Variants in PGCKA1 observed in about 807,000 individuals in gnomAD.
PGCKA1 encodes the protein PDCD10 and GCKIII kinases associated 1, also known as PDCD10 and GCKIII kinases-associated protein 1.
chr4:37,587,175 G>C, the PGCKA1 span, among the ~76,000 whole-genome samples: 7 of 152,126 alleles, frequency 4.6e-5, no homozygotes, highest in East Asian at 1.4e-3. Flanking sequence ...TTCCTCTTCT[G>C]TCTATAATCA....
At chr4:37,530,165 G>A in the PGCKA1 span, among the ~76,000 whole-genome samples, 13 of 152,276 alleles carry the variant, frequency 8.5e-5, no homozygotes, top group African/African-American at 2.2e-4. Context: ...CTTCTAGCAC[G>A]TAATAGACAA....
At chr4:37,525,726 G>A in the PGCKA1 span, among the ~76,000 whole-genome samples, 30,686 of 152,132 alleles carry the variant, frequency 0.2, 3,815 homozygotes, top group African/African-American at 0.34. Context: ...CCAGCCTCAG[G>A]CAGCACACCA....
the PGCKA1 span, among the ~76,000 whole-genome samples, chr4:37,571,848 T>C: frequency 1.3e-5 from 2 of 151,890 alleles, no homozygotes; most frequent in African/African-American, 4.8e-5. Flanking sequence ...GCCAGACTGG[T>C]CTCGAACTTC....
chr4:37,514,662 A>T, the PGCKA1 span, among the ~76,000 whole-genome samples: 2 of 152,236 alleles, frequency 1.3e-5, no homozygotes, highest in Non-Finnish European at 2.9e-5. Flanking sequence ...CTGCATACTA[A>T]GCCAGCCCAA....
At chr4:37,531,411 G>A in the PGCKA1 span, among the ~76,000 whole-genome samples, 1 of 152,122 alleles carries the variant, frequency 6.6e-6, no homozygotes. Context: ...GTTAATTGGA[G>A]GTTAGTGGTA....
chr4:37,509,858 C>G, the PGCKA1 span, among the ~76,000 whole-genome samples: 1 of 151,474 alleles, frequency 6.6e-6, no homozygotes, highest in African/African-American at 2.4e-5. Context: ...AGGCACTCTG[C>G]AGGCTGAGGC....
chr4:37,558,240 G>C, the PGCKA1 span, among the ~76,000 whole-genome samples: 3 of 152,268 alleles, frequency 2.0e-5, no homozygotes, highest in East Asian at 1.9e-4. Flanking sequence ...ACTCACTCAG[G>C]TTTGAGTAGA....
At chr4:37,571,723 G>A in the PGCKA1 span, among the ~76,000 whole-genome samples, 1 of 151,782 alleles carries the variant, frequency 6.6e-6, no homozygotes, top group Admixed American at 6.6e-5. Context: ...ATTTTTAGTA[G>A]AGACGGGGTT....
the PGCKA1 span, among the ~76,000 whole-genome samples, chr4:37,504,306 C>G: frequency 1.3e-5 from 2 of 152,150 alleles, no homozygotes; most frequent in African/African-American, 4.8e-5. Flanking sequence ...TTTTATGCCA[C>G]TATCATGCTG....
the PGCKA1 span, among the ~76,000 whole-genome samples, chr4:37,525,280 C>T: frequency 1.6e-3 from 238 of 152,242 alleles, 5 homozygotes; most frequent in East Asian, 0.034. Flanking sequence ...AAAGGATTTA[C>T]AGTCAGCTAC....
chr4:37,473,144 C>T, the PGCKA1 span, among the ~76,000 whole-genome samples: 66 of 152,128 alleles, frequency 4.3e-4, no homozygotes, highest in African/African-American at 1.5e-3. Context: ...AGTGAAAATG[C>T]GCTAAGAAGG....
chr4:37,531,909 A>G, the PGCKA1 span, among the ~76,000 whole-genome samples: 1 of 151,640 alleles, frequency 6.6e-6, no homozygotes, highest in Non-Finnish European at 1.5e-5. Flanking sequence ...AAAAAAAAAA[A>G]AAAGAATGAA....
At chr4:37,523,967 C>G in the PGCKA1 span, among the ~76,000 whole-genome samples, 1 of 152,286 alleles carries the variant, frequency 6.6e-6, no homozygotes, top group Admixed American at 6.5e-5. Context: ...GCTCCTAATA[C>G]CATTACACTG....
chr4:37,542,584 G>A, the PGCKA1 span, among the ~76,000 whole-genome samples: 4 of 152,284 alleles, frequency 2.6e-5, no homozygotes, highest in South Asian at 8.3e-4. Flanking sequence ...CATGTTCTAT[G>A]TCCATACTGT....
the PGCKA1 span, among the ~76,000 whole-genome samples, chr4:37,497,594 C>T: frequency 6.6e-6 from 1 of 152,092 alleles, no homozygotes; most frequent in African/African-American, 2.4e-5. Flanking sequence ...AAGGTGGTAT[C>T]GCATTGTGGC....
At chr4:37,589,472 C>A in the PGCKA1 span, among the ~76,000 whole-genome samples, 18 of 152,146 alleles carry the variant, frequency 1.2e-4, 1 homozygote, top group Non-Finnish European at 1.5e-5. Context: ...TTAGTGACTG[C>A]ATAATATTCC....
the PGCKA1 span, chr4:37,591,028 C>T: frequency 6.4e-7 from 1 of 1,564,988 alleles, no homozygotes; most frequent in East Asian, 2.2e-5. Context: ...GGGAGGTAAG[C>T]TGGTGTCATG....
the PGCKA1 span, among the ~76,000 whole-genome samples, chr4:37,581,182 A>G: frequency 6.6e-6 from 1 of 152,044 alleles, no homozygotes; most frequent in Non-Finnish European, 1.5e-5. This position sits in a 1 kb window ranked among gnomAD's most constrained non-coding sequence, Gnocchi z 4.4. Context: ...GCCATCCAAG[A>G]GCCAAGGCCT....
At chr4:37,479,701 T>A in the PGCKA1 span, among the ~76,000 whole-genome samples, 1 of 152,124 alleles carries the variant, frequency 6.6e-6, no homozygotes, top group African/African-American at 2.4e-5. Flanking sequence ...ACCTATGAAT[T>A]TGGAGCCCAA....
Sources: gnomAD v4.1 joint callset for allele counts (sites outside exome capture counted in the v4.1 genomes callset) on GRCh38, gnomAD v4.1.1 for gene constraint, Gnocchi (gnomAD v3.1) non-coding constraint, MANE v1.5 for transcripts, NCBI Gene and HGNC (gene_info 2026-07-23, HGNC 2026-07-21) for gene names.